Variants in C22orf42 observed in about 807,000 individuals in gnomAD.
C22orf42 encodes the protein uncharacterized protein C22orf42.
C22orf42 carries 24 observed loss-of-function variants against 31.4 expected under a neutral mutation model. The observed-to-expected ratio is 0.77, with a 90% confidence interval of 0.55 to 1.08. The LOEUF (loss-of-function observed/expected upper bound fraction) is 1.08, where lower values mean the gene tolerates loss of function less well. Ranked by LOEUF, C22orf42 falls within the 50% of genes least tolerant of loss-of-function variation. C22orf42 has a pLI of 0.00. For missense variants in C22orf42, 276 were observed against 327.3 expected (o/e 0.84, Z 1.21); for synonymous variants, 96 against 112.7 (o/e 0.85, Z 0.94).
Position 32,154,268 on chromosome 22 carries a change from C to T in C22orf42, c.283G>A (p.Gly95Arg), listed in dbSNP as rs143164067. The T allele has an allele frequency of 1.4e-4, 224 of 1,610,894 alleles. No individual in the cohort carries two copies. The highest frequency in any genetic ancestry group is 6.2e-4 in the East Asian group (28 of 44,888). Residue 95 changes from glycine to arginine, a missense_variant, in exon 2 of 9, where the codon GGG becomes AGG. By Grantham distance (125) the Gly-to-Arg change is moderately radical. Transcript: ENST00000382097. ...CCTATATTTTCTAGAGGCCAAATCC[C>T]GTGCCGTCTCCATATTATTTTTAAC... is the stretch of plus-strand genomic sequence containing the variant. ...RWLKIIWRRH[G>R]IWPLENIGPT...
At position 32,149,650 on chromosome 22, in the gene C22orf42, A is replaced by AAT. The variant is rs66503637; in HGVS notation, c.683-39_683-38dup. On this transcript the variant is annotated intron_variant, in intron 8 of 8. Coordinates refer to ENST00000382097, the MANE Select transcript of C22orf42 (RefSeq NM_001010859.3). ...GAACAAGACTTCATCTCAAAAAAAA[A>AAT]ATATATATATATATATATCTACATA... The AAT allele has an allele frequency of 5.2e-3, 6,097 of 1,161,574 alleles. 3 individuals are homozygous for AAT. The highest frequency in any genetic ancestry group is 9.9e-3 in the South Asian group (416 of 42,004). The allele number at this position is 1,161,574 out of a possible 1,614,324, so 72.0% of individuals were successfully genotyped here.
At chr22:32,149,707 ATATC>A (rs773084973) in intron 8 of C22orf42, 42 bp downstream of exon 8, 78 of 1,182,552 alleles carry the variant, frequency 6.6e-5, no homozygotes, top group Non-Finnish European at 8.2e-5. Context: ...ATCTATATCT[ATATC>A]TACATATATA....
At chr22:32,156,025 G>A (rs1921242156) in intron 1 of C22orf42, among the ~76,000 whole-genome samples, 1 of 152,162 alleles carries the variant, frequency 6.6e-6, no homozygotes, top group Non-Finnish European at 1.5e-5. Context: ...GATAAAGCAA[G>A]ACCCTGTCTC....
Position 32,159,026 on chromosome 22 carries a change from G to C in C22orf42, c.190C>G (p.Leu64Val), listed in dbSNP as rs762357889. ...KAKKAQLMQY[L>V]SLPKTPKMLK... ...ATCTTCGGCGTCTTCGGGAGGCTGA[G>C]GTACTGCATGAGTTGGGCCTTCTTA... is the stretch of plus-strand genomic sequence containing the variant. The change falls in exon 1 of 9, where the codon CTC (leucine) becomes GTC (valine). Residue 64 changes from leucine to valine, a missense_variant. Transcript: ENST00000382097. 4 of 1,614,174 alleles carry C rather than the reference G, an allele frequency of 2.5e-6. No homozygotes were observed. The highest frequency in any genetic ancestry group is 3.4e-6 in the Non-Finnish European group (4 of 1,180,034).
At position 32,151,556 on chromosome 22, in the gene C22orf42, G is replaced by A. The variant is rs752894098; in HGVS notation, c.401-5C>T. ...CCTGCACATCTTCAGTGGGACCTAG[G>A]AGAACACAGAGTGACAGTCAGTGCA... On this transcript the variant is annotated splice_region_variant and splice_polypyrimidine_tract_variant and intron_variant, in intron 4 of 8. Transcript: ENST00000382097. The A allele has an allele frequency of 6.2e-7, 1 of 1,613,680 alleles. No homozygotes were observed. The highest frequency in any genetic ancestry group is 1.7e-5 in the Admixed American group (1 of 60,020).
In C22orf42 at chr22:32,150,387, C is replaced by T; in HGVS notation, c.586G>A (p.Asp196Asn). The T allele has an allele frequency of 6.2e-7, 1 of 1,614,120 alleles. No homozygotes were observed. The highest frequency in any genetic ancestry group is 8.5e-7 in the Non-Finnish European group (1 of 1,179,970). The change falls in exon 7 of 9, where the codon GAC becomes AAC. Residue 196 changes from aspartate (D) to asparagine (N), a missense_variant. Transcript: ENST00000382097. The part of the protein sequence containing the change: ...LSESLSVSLE[D>N]FMTSGLSESL... Reference sequence around the variant, plus strand: ...TCACTGAGACCTGATGTCATGAAGTCTTCAAGAGAGACAGATAGGCTTTCA... The same window carrying T: ...TCACTGAGACCTGATGTCATGAAGTTTTCAAGAGAGACAGATAGGCTTTCA...
chr22:32,150,376 T>C lies in C22orf42; in HGVS notation c.597A>G (p.Thr199=), dbSNP rs767120088. Residue 199 remains threonine (T), a synonymous_variant, in exon 7 of 9, where the codon ACA becomes ACG. Coordinates refer to ENST00000382097, the MANE Select transcript of C22orf42 (RefSeq NM_001010859.3). Reference sequence around the variant, plus strand: ...CAGATAGGCTTTCACTGAGACCTGATGTCATGAAGTCTTCAAGAGAGACAG... The same window carrying C: ...CAGATAGGCTTTCACTGAGACCTGACGTCATGAAGTCTTCAAGAGAGACAG... ...SLSVSLEDFM[T]SGLSESLSVS... is the part of the protein sequence containing the mutation. 1 of 1,614,012 alleles carries C rather than the reference T, an allele frequency of 6.2e-7. No individual in the cohort carries two copies. Among genetic ancestry groups the C allele is most frequent in the Non-Finnish European group, 8.5e-7 (1 of 1,179,976 alleles).
intron 7 of C22orf42, 87 bp downstream of exon 7, chr22:32,150,232 G>C (rs1414558459): frequency 9.8e-6 from 13 of 1,322,590 alleles, no homozygotes; most frequent in Non-Finnish European, 1.4e-5. Context: ...TAATATACAT[G>C]GTCAGATTTT....
rs769417520 is a variant in C22orf42 at position 32,159,223 on chromosome 22, C to G, written c.-8G>C. 1.9e-6 allele frequency: 3 copies of G among 1,611,710 alleles called. No individual in the cohort carries two copies. The highest frequency in any genetic ancestry group is 1.7e-5 in the Admixed American group (1 of 59,972). Reference sequence around the variant, plus strand: ...AGTCAGTTTGCTCCCCATTGGGCACCTAAACACACAAAAAAGTCCAAGAGG... The same window carrying G: ...AGTCAGTTTGCTCCCCATTGGGCACGTAAACACACAAAAAAGTCCAAGAGG... On this transcript the variant is annotated 5_prime_UTR_variant, in exon 1 of 9. Coordinates refer to ENST00000382097, the MANE Select transcript of C22orf42 (RefSeq NM_001010859.3).
At chr22:32,151,930 G>C (rs901818955) in intron 4 of C22orf42, 137 bp downstream of exon 4, 2 of 856,638 alleles carry the variant, frequency 2.3e-6, no homozygotes, top group African/African-American at 1.7e-5. Flanking sequence ...GAATAAAGAG[G>C]TTCTAAGATT....
chr22:32,157,190 T>C (rs3986040), intron 1 of C22orf42, among the ~76,000 whole-genome samples: 21,845 of 151,090 alleles, frequency 0.14, 2,255 homozygotes, highest in African/African-American at 0.31. Flanking sequence ...TTTCAGGTCA[T>C]GATCGTCTGT....
intron 3 of C22orf42, 40 bp downstream of exon 3, chr22:32,152,522 C>A: frequency 2.6e-6 from 4 of 1,564,904 alleles, no homozygotes; most frequent in Non-Finnish European, 3.5e-6. Context: ...CCAGAAAAAA[C>A]AAAAAGCATT....
At chr22:32,154,930 A>G (rs1921181683) in intron 1 of C22orf42, among the ~76,000 whole-genome samples, 1 of 152,212 alleles carries the variant, frequency 6.6e-6, no homozygotes, top group East Asian at 1.9e-4. Flanking sequence ...TTCCATGGGC[A>G]TGATGCTTTC....
intron 1 of C22orf42, among the ~76,000 whole-genome samples, chr22:32,157,985 T>C (rs1343007904): frequency 6.6e-6 from 1 of 152,262 alleles, no homozygotes; most frequent in Non-Finnish European, 1.5e-5. Flanking sequence ...TTATTGGAAG[T>C]CACCCTGGGC....
intron 2 of C22orf42, among the ~76,000 whole-genome samples, chr22:32,153,831 G>A (rs2149512691): frequency 6.7e-6 from 1 of 150,002 alleles, no homozygotes; most frequent in Non-Finnish European, 1.5e-5. Flanking sequence ...ACTAAGCCTG[G>A]GCAACATGGT....
intron 4 of C22orf42, 64 bp from the exon 5 acceptor site, chr22:32,151,615 G>A: frequency 1.3e-6 from 2 of 1,533,906 alleles, no homozygotes; most frequent in African/African-American, 1.4e-5. Flanking sequence ...AAGGAGCCCT[G>A]GGGGATGTGG....
upstream of C22orf42, chr22:32,159,468 C>G: frequency 2.2e-6 from 3 of 1,369,582 alleles, no homozygotes; most frequent in East Asian, 2.9e-5. Flanking sequence ...TTGTGGCCAC[C>G]CTGTCCCTCT....
At chr22:32,150,584 G>A (rs2094111201) in intron 6 of C22orf42, 105 bp from the exon 7 acceptor site, 9 of 1,078,076 alleles carry the variant, frequency 8.3e-6, no homozygotes, top group Middle Eastern at 2.0e-4. Flanking sequence ...GTGGGCGGTT[G>A]ACAGGCATGG....
rs771499241 is a variant in C22orf42, at chr22:32,159,180, G to T, written c.36C>A (p.Ser12Arg). The change falls in exon 1 of 9, where the codon AGC becomes AGA. Residue 12 changes from serine to arginine, a missense_variant. Physicochemically the swap from Ser to Arg is moderately radical, Grantham distance 110 (BLOSUM62 -1). Transcript: ENST00000382097. ...GSKLTCCLGP[S>R]GGLNCDCCRP... Reference sequence around the variant, plus strand: ...TGCAGCAGTCACAGTTGAGGCCCCCGCTGGGGCCCAGGCAGCAAGTCAGTT... The same window carrying T: ...TGCAGCAGTCACAGTTGAGGCCCCCTCTGGGGCCCAGGCAGCAAGTCAGTT... The T allele has an allele frequency of 6.2e-7, 1 of 1,613,888 alleles. No individual in the cohort carries two copies. The highest frequency in any genetic ancestry group is 8.5e-7 in the Non-Finnish European group (1 of 1,180,030).
Sources: gnomAD v4.1 joint callset for allele counts (sites outside exome capture counted in the v4.1 genomes callset) on GRCh38, gnomAD v4.1.1 for gene constraint, MANE v1.5 for transcripts, NCBI Gene and HGNC (gene_info 2026-07-23, HGNC 2026-07-21) for gene names.